MICU1: variants seen among roughly 807,000 people sequenced by gnomAD.
MICU1 encodes calcium uptake protein 1, mitochondrial.
MICU1 carries 45 observed loss-of-function variants against 56.8 expected under a neutral mutation model. The observed-to-expected ratio is 0.79, with a 90% CI of 0.62 to 1.02. The LOEUF (loss-of-function observed/expected upper bound fraction) is 1.02. Ranked by LOEUF, MICU1 falls within the 50% of genes least tolerant of loss-of-function variation. MICU1 has a pLI of 0.00. For missense variants in MICU1, 504 were observed against 587.1 expected, an observed-to-expected ratio of 0.86 and a Z score of 1.46; for synonymous variants, 186 against 195.1, an observed-to-expected ratio of 0.95 and a Z score of 0.39.
rs372119270 is a variant in MICU1 at position 72,602,286 on chromosome 10, A to G, written c.-2+23724T>C. Among the ~76,000 whole-genome samples the G allele has an allele frequency of 4.6e-5, 7 of 151,582 alleles. No homozygotes were observed. In the East Asian group the frequency reaches 5.9e-4, roughly 13 times the overall value. On this transcript the variant is annotated intron_variant, in intron 1 of 11. Transcript: ENST00000361114. ...GCCAATATGGTGAAACCCCATCTCTACTAAAAATACAAAAATTAGCCGAGT... is the reference window on the plus strand; with the variant it reads ...GCCAATATGGTGAAACCCCATCTCTGCTAAAAATACAAAAATTAGCCGAGT...
chr10:72,397,099 C>T (rs1025640439), intron 10 of MICU1, among the ~76,000 whole-genome samples: 2 of 152,214 alleles, frequency 1.3e-5, no homozygotes, highest in Non-Finnish European at 2.9e-5. Context: ...AGAAACCCTA[C>T]AAGCCAGAAG....
At chr10:72,598,197 T>C (rs184711360) in intron 1 of MICU1, among the ~76,000 whole-genome samples, 1 of 152,216 alleles carries the variant, frequency 6.6e-6, no homozygotes, top group Admixed American at 6.5e-5. Context: ...ACAAAAATAA[T>C]ATATCTATCA....
At chr10:72,592,846 A>G (rs1236479087) in intron 1 of MICU1, among the ~76,000 whole-genome samples, 1 of 150,168 alleles carries the variant, frequency 6.7e-6, no homozygotes, top group East Asian at 2.0e-4. Context: ...GCAATGGCGC[A>G]ATCTCGGCTC....
At chr10:72,375,719 T>C (rs1862494009) in intron 11 of MICU1, 64 bp downstream of exon 11, 2 of 1,472,124 alleles carry the variant, frequency 1.4e-6, no homozygotes, top group African/African-American at 1.4e-5. Context: ...GGCTCCATTA[T>C]ACACAAGGGC....
intron 6 of MICU1, 35 bp from the exon 7 acceptor site, chr10:72,477,291 T>C (rs759459920): frequency 2.7e-5 from 40 of 1,466,340 alleles, no homozygotes; most frequent in Middle Eastern, 2.3e-4. Flanking sequence ...TTAGAAGGCA[T>C]TGACCAAAAA....
At chr10:72,622,155 C>T (rs1206638326) in intron 1 of MICU1, among the ~76,000 whole-genome samples, 2 of 151,666 alleles carry the variant, frequency 1.3e-5, no homozygotes, top group African/African-American at 4.8e-5. Flanking sequence ...GATCTCCTGA[C>T]CTCGTGATCT....
intron 2 of MICU1, among the ~76,000 whole-genome samples, chr10:72,565,460 A>AG (rs1163067070): frequency 8.2e-6 from 1 of 122,144 alleles, no homozygotes; most frequent in Non-Finnish European, 1.6e-5. Context: ...GGACACAGGA[A>AG]GGGGAACATC....
rs548156985 is a variant in MICU1 at position 72,588,405 on chromosome 10, A to G, written c.-1-21611T>C. Among the ~76,000 whole-genome samples, 265 of 152,254 alleles carry G rather than the reference A, an allele frequency of 1.7e-3. 1 individual carries two copies. Among genetic ancestry groups the G allele is most frequent in the African/African-American group, 5.9e-3 (247 of 41,550 alleles). ...ATCTATGAGGGAAAGGAAAAAAAAC[A>G]ACTTACATTTTCTGCCCAATTACAC... On this transcript the variant is annotated intron_variant, in intron 1 of 11. Transcript: ENST00000361114.
At chr10:72,553,297 A>T (rs1168739750) in intron 3 of MICU1, among the ~76,000 whole-genome samples, 1 of 150,628 alleles carries the variant, frequency 6.6e-6, no homozygotes, top group African/African-American at 2.5e-5. Context: ...GCACTGGCAC[A>T]ATCTTGGCTC....
chr10:72,427,869 T>C (rs965571900), intron 8 of MICU1, among the ~76,000 whole-genome samples: 8 of 151,868 alleles, frequency 5.3e-5, no homozygotes, highest in African/African-American at 1.9e-4. Context: ...TTGAATCTGA[T>C]AGTATGTGGC....
intron 8 of MICU1, among the ~76,000 whole-genome samples, chr10:72,456,182 A>C (rs567707848): frequency 3.3e-5 from 5 of 152,306 alleles, no homozygotes; most frequent in African/African-American, 1.2e-4. Context: ...AACTGCTGGC[A>C]TGGTCTTTGC....
At chr10:72,372,735 G>A (rs1016182880) in intron 11 of MICU1, among the ~76,000 whole-genome samples, 1 of 151,682 alleles carries the variant, frequency 6.6e-6, no homozygotes, top group African/African-American at 2.4e-5. Flanking sequence ...CCAGCTACTC[G>A]GGAGGCTGAG....
chr10:72,409,536 A>C (rs1409666369), intron 9 of MICU1, among the ~76,000 whole-genome samples: 1 of 152,194 alleles, frequency 6.6e-6, no homozygotes, highest in Non-Finnish European at 1.5e-5. Flanking sequence ...AAAAATATTT[A>C]AAAAGTTAGC....
At chr10:72,422,072 AACCCCTACTGTGCCCAATGT>A (rs1311234392) in intron 9 of MICU1, among the ~76,000 whole-genome samples, 3 of 152,078 alleles carry the variant, frequency 2.0e-5, no homozygotes, top group Non-Finnish European at 2.9e-5. Context: ...AGCCCTCCCT[AACCCCTACTGTGCCCAATGT>A]GGTTGTATTT....
intron 7 of MICU1, among the ~76,000 whole-genome samples, chr10:72,475,703 G>A (rs948858619): frequency 6.6e-6 from 1 of 151,972 alleles, no homozygotes; most frequent in Admixed American, 6.6e-5. Flanking sequence ...TTCTGGGATT[G>A]CAGGAGTGAG....
chr10:72,415,356 A>G (rs1301716511), intron 9 of MICU1, among the ~76,000 whole-genome samples: 1 of 152,096 alleles, frequency 6.6e-6, no homozygotes, highest in Non-Finnish European at 1.5e-5. Context: ...TAATATTTTT[A>G]TACCAGGTAC....
rs1839613883 is a variant in MICU1, at chr10:72,535,646, C to T, written c.494-1857G>A. 2.0e-5 allele frequency among the ~76,000 whole-genome samples: 3 copies of T among 151,872 alleles called. No homozygotes were observed. The South Asian group carries it at 6.2e-4, about 31-fold the overall frequency. On this transcript the variant is annotated intron_variant, in intron 4 of 11. Transcript: ENST00000361114. ...TGTATCCTTGTGAAATTTCAGAATA[C>T]CAAGGATAAAAAAATCCTAAAGATT...
chr10:72,551,442 C>T, intron 3 of MICU1, 101 bp from the exon 4 acceptor site: 1 of 820,044 alleles, frequency 1.2e-6, no homozygotes. Context: ...ATTTTCCATC[C>T]TATTTTGGGA....
rs1162093819 is a variant in MICU1, at chr10:72,551,251, C to G, written c.421G>C (p.Gly141Arg). The G allele has an allele frequency of 2.5e-6, 4 of 1,613,058 alleles. No homozygotes were observed. The highest frequency in any genetic ancestry group is 2.5e-6 in the Non-Finnish European group (3 of 1,179,502). ...GGTGTCATAAACACTTCTGCTTCAC[C>G]AGGCTCACTGATGACTTTCAAGGTG... ...FATLKVISEP[G>R]EAEVFMTPED... The change falls in exon 4 of 12, where the codon GGT becomes CGT. Residue 141 changes from glycine (G) to arginine (R), a missense_variant. Physicochemically the swap from Gly to Arg is moderately radical, Grantham distance 125. Transcript: ENST00000361114.
Sources: allele counts gnomAD v4.1 joint callset (sites outside exome capture counted in the v4.1 genomes callset), GRCh38; gene constraint gnomAD v4.1.1; transcripts MANE v1.5; gene names NCBI Gene and HGNC (gene_info 2026-07-23, HGNC 2026-07-21).